The following ANXA2 variants were observed in gnomAD, a reference collection of about 807,000 sequenced individuals.
ANXA2 encodes the protein annexin II.
ANXA2 carries 28 observed loss-of-function variants against 47.3 expected under a neutral mutation model. The observed-to-expected ratio is 0.59, with a 90% CI of 0.44 to 0.81. ANXA2 has a LOEUF of 0.81. ANXA2 is among the 40% of genes least tolerant of loss of function. The probability of loss-of-function intolerance (pLI) is 0.00; values close to 1 mark genes in which losing one functional copy is unlikely to be tolerated. For synonymous variants in ANXA2, 172 were observed against 155.5 expected, an observed-to-expected ratio of 1.11 and a Z score of -0.79; for missense variants, 384 against 414.3, an observed-to-expected ratio of 0.93 and a Z score of 0.64.
chr15:60,383,617 G>C (rs553995387), intron 2 of ANXA2: 38 of 152,344 alleles, frequency 2.5e-4, no homozygotes, highest in African/African-American at 8.9e-4. Flanking sequence ...GCTAAGGGCA[G>C]ACAAAGAGGA....
chr15:60,347,814 G>T, intron 12 of ANXA2, 125 bp from the exon 13 acceptor site: 1 of 830,442 alleles, frequency 1.2e-6, no homozygotes, highest in Non-Finnish European at 1.9e-6. Flanking sequence ...CTCTGCAGGA[G>T]ACCTGCCCTG....
chr15:60,368,734 A>G (rs2062673112), intron 3 of ANXA2, among the ~76,000 whole-genome samples: 1 of 152,222 alleles, frequency 6.6e-6, no homozygotes, highest in South Asian at 2.1e-4. Flanking sequence ...TGTACTTTCA[A>G]AGTTCACCAT....
At position 60,355,933 on chromosome 15, in the gene ANXA2, C is replaced by T. The variant is rs1381941104; in HGVS notation, c.514G>A (p.Val172Ile). ...GGGAAACCAACCTTTGCCAGGGCAA[C>T]CATCAGCTTGCGGAAGTCACCAGAT... ...DTSGDFRKLM[V>I]ALAKGRRAED... The change falls in exon 7 of 13, where the codon GTT becomes ATT. Residue 172 changes from valine (V) to isoleucine (I), a missense_variant. Physicochemically the swap from Val to Ile is conservative, Grantham distance 29 (BLOSUM62 3). Transcript: ENST00000451270. 2.5e-6 allele frequency: 4 copies of T among 1,613,920 alleles called. No homozygotes were observed. Among genetic ancestry groups the T allele is most frequent in the South Asian group, 2.2e-5 (2 of 91,082 alleles).
intron 4 of ANXA2, among the ~76,000 whole-genome samples, chr15:60,362,352 C>T (rs180677764): frequency 2.4e-4 from 36 of 152,334 alleles, no homozygotes; most frequent in Admixed American, 5.2e-4. Flanking sequence ...CGTTCAACTT[C>T]CTGTTTCTCA....
intron 3 of ANXA2, among the ~76,000 whole-genome samples, chr15:60,376,036 G>A (rs911550054): frequency 1.3e-5 from 2 of 152,132 alleles, no homozygotes; most frequent in Non-Finnish European, 2.9e-5. Context: ...CAGAGACGAG[G>A]CTAGAAAGAT....
rs538146485 is a variant in ANXA2 at position 60,394,682 on chromosome 15, G to C, written c.-12+3261C>G. Reference sequence around the variant, plus strand: ...CGACTACACTCCAGGCTGGGTGACAGAGCCAGGCTCCATCTCAAAAGAAAA... The same window carrying C: ...CGACTACACTCCAGGCTGGGTGACACAGCCAGGCTCCATCTCAAAAGAAAA... On this transcript the variant is annotated intron_variant, in intron 1 of 12. Coordinates refer to ENST00000451270, the MANE Select transcript of ANXA2 (RefSeq NM_004039.3). 6.1e-5 allele frequency: 9 copies of C among 147,984 alleles called. No homozygotes were observed. In the East Asian group the frequency reaches 8.2e-4, roughly 13 times the overall value. The allele number at this position is 147,984 out of a possible 1,614,324, so 9.2% of individuals were successfully genotyped here.
intron 5 of ANXA2, among the ~76,000 whole-genome samples, chr15:60,358,394 T>C (rs1053220761): frequency 3.9e-5 from 6 of 152,232 alleles, no homozygotes; most frequent in African/African-American, 1.4e-4. Flanking sequence ...TCTTTCCGAA[T>C]ATGGAACTAT....
chr15:60,377,347 T>A (rs2062794971), intron 3 of ANXA2, among the ~76,000 whole-genome samples: 1 of 152,198 alleles, frequency 6.6e-6, no homozygotes, highest in African/African-American at 2.4e-5. Context: ...TGCCTTCCAC[T>A]ATGAAAGTAA....
In ANXA2 at chr15:60,355,984, G is replaced by A. The variant is rs149342338; in HGVS notation, c.463C>T (p.Leu155=). ...GTGTCCGAAATAATGTCCTTCTCCA[G>A]ATCAGTCTTGTACACTTGGAGGAAA... ...RVYKEMYKTD[L]EKDIISDTSG... Residue 155 remains leucine, a synonymous_variant, in exon 7 of 13, where the codon CTG becomes TTG. Transcript: ENST00000451270. 88 of 1,613,750 alleles carry A rather than the reference G, an allele frequency of 5.5e-5. No homozygotes were observed. Among genetic ancestry groups the A allele is most frequent in the Middle Eastern group, 3.3e-4 (2 of 6,048 alleles).
At chr15:60,349,028 G>C (rs1342417407) in intron 12 of ANXA2, 47 bp downstream of exon 12, 1 of 1,609,910 alleles carries the variant, frequency 6.2e-7, no homozygotes, top group East Asian at 2.2e-5. Flanking sequence ...CCAGGGCCCG[G>C]GGTGCTCTGG....
In ANXA2 at chr15:60,361,432, G is replaced by GAGATGCTCAAGC. The variant is rs144939561; in HGVS notation, c.244-379_244-378insGCTTGAGCATCT. 1,523 of 194,716 alleles carry GAGATGCTCAAGC rather than the reference G, an allele frequency of 7.8e-3. 26 individuals carry two copies. The highest frequency in any genetic ancestry group is 0.034 in the African/African-American group (1,430 of 42,644). 12.1% of individuals were successfully genotyped at this position (194,716 alleles called of 1,614,324 possible). A position where few individuals can be genotyped will look rare whatever the true frequency, so the allele number is the denominator to read the frequency against. ...GGAGATCAAGGCCCCTGCTAAGAAG[G>GAGATGCTCAAGC]AGATGTTTGAGCAGACAGCCTCCTG... On this transcript the variant is annotated intron_variant, in intron 4 of 12. Coordinates refer to ENST00000451270, the MANE Select transcript of ANXA2 (RefSeq NM_004039.3).
At chr15:60,357,085 G>C in intron 6 of ANXA2, 61 bp downstream of exon 6, 1 of 1,478,332 alleles carries the variant, frequency 6.8e-7, no homozygotes, top group South Asian at 1.1e-5. Context: ...AACCCCAGTG[G>C]CCATGATAGA....
intron 1 of ANXA2, chr15:60,397,197 C>T (rs760914527): frequency 2.4e-5 from 21 of 886,530 alleles, no homozygotes; most frequent in Non-Finnish European, 2.8e-5. Flanking sequence ...GTTCCTGACT[C>T]ATTGTCACAT....
At chr15:60,374,285 A>G (rs2062748426) in intron 3 of ANXA2, among the ~76,000 whole-genome samples, 1 of 152,208 alleles carries the variant, frequency 6.6e-6, no homozygotes, top group African/African-American at 2.4e-5. Flanking sequence ...CAGCAGGAAA[A>G]CACAAAGTAC....
chr15:60,389,050 A>C (rs1055482719), intron 1 of ANXA2, among the ~76,000 whole-genome samples: 3 of 152,084 alleles, frequency 2.0e-5, no homozygotes, highest in African/African-American at 7.2e-5. Flanking sequence ...AGAATTACCG[A>C]AGCAGAGGTG....
intron 1 of ANXA2, 81 bp downstream of exon 1, chr15:60,397,862 A>G (rs1349611925): frequency 7.2e-7 from 1 of 1,386,604 alleles, no homozygotes; most frequent in Admixed American, 3.0e-5. Context: ...CCTCCCTGCC[A>G]GGCCGTACCC....
intron 3 of ANXA2, among the ~76,000 whole-genome samples, chr15:60,365,775 C>T (rs928094134): frequency 2.0e-5 from 3 of 151,874 alleles, no homozygotes; most frequent in African/African-American, 7.3e-5. Flanking sequence ...ATAACTTTAG[C>T]TCTCATTTTT....
rs913599115 is a variant in ANXA2, at chr15:60,349,159, C to A, written c.876G>T (p.Met292Ile). 2.5e-5 allele frequency: 41 copies of A among 1,613,934 alleles called. No individual in the cohort carries two copies. Among genetic ancestry groups the A allele is most frequent in the Non-Finnish European group, 3.4e-5 (40 of 1,179,956 alleles). Residue 292 changes from methionine to isoleucine, a missense_variant, in exon 12 of 13, where the codon ATG becomes ATT. Transcript: ENST00000451270. Reference protein sequence around the residue: ...GTRDKVLIRIMVSRSEVDMLK... With the variant: ...GTRDKVLIRIIVSRSEVDMLK... ...ACATGTCCACTTCACTGCGGGAGAC[C>A]ATGATTCTGATCAGGACCTTATCTC...
intron 2 of ANXA2, chr15:60,383,875 C>A (rs2062898479): frequency 6.6e-6 from 1 of 152,298 alleles, no homozygotes; most frequent in South Asian, 2.1e-4. Context: ...TTTATTAGCA[C>A]TGAGACTGTA....
Sources: allele counts gnomAD v4.1 joint callset (sites outside exome capture counted in the v4.1 genomes callset), GRCh38; gene constraint gnomAD v4.1.1; transcripts MANE v1.5; gene names NCBI Gene and HGNC (gene_info 2026-07-23, HGNC 2026-07-21).